The following ENPP2 variants were observed in gnomAD, a reference collection of about 807,000 sequenced individuals.
ENPP2 encodes the protein ectonucleotide pyrophosphatase/phosphodiesterase 2.
Under a neutral mutation model 120.2 loss-of-function variants are expected in ENPP2, and 51 were observed. The observed-to-expected ratio is 0.42, with a 90% CI of 0.34 to 0.54. ENPP2 has a LOEUF of 0.54. ENPP2 is among the 20% of genes least tolerant of loss of function. The pLI is 0.04. For synonymous variants in ENPP2, 365 were observed against 366.4 expected (o/e 1.00, Z 0.04); for missense variants, 920 against 1,066.5 (o/e 0.86, Z 1.91).
chr8:119,668,431 T>A (rs1818141484), intron 1 of ENPP2, among the ~76,000 whole-genome samples: 1 of 49,582 alleles, frequency 2.0e-5, no homozygotes, highest in Non-Finnish European at 4.9e-5. Flanking sequence ...TTCTTTTTCT[T>A]TTTTTTTTTT....
chr8:119,661,192 G>A (rs897899228), intron 1 of ENPP2, among the ~76,000 whole-genome samples: 1 of 152,088 alleles, frequency 6.6e-6, no homozygotes, highest in Non-Finnish European at 1.5e-5. Context: ...GGGAGGGAGA[G>A]CATTAGGACA....
upstream of ENPP2, among the ~76,000 whole-genome samples, chr8:119,639,300 A>G (rs1047458831): frequency 2.0e-5 from 3 of 152,104 alleles, no homozygotes; most frequent in South Asian, 4.1e-4. Flanking sequence ...AAACCTAATA[A>G]CGTTCCTGTC....
chr8:119,590,722 G>GT, intron 12 of ENPP2, 92 bp from the exon 13 acceptor site: 1 of 938,468 alleles, frequency 1.1e-6, no homozygotes, highest in Non-Finnish European at 1.5e-6. Flanking sequence ...CATCTCTTTA[G>GT]TTAGTTTTTA....
At chr8:119,656,403 G>A (rs186150952) in intron 1 of ENPP2, among the ~76,000 whole-genome samples, 29 of 152,124 alleles carry the variant, frequency 1.9e-4, no homozygotes, top group African/African-American at 6.5e-4. Flanking sequence ...TTCCTCTCAC[G>A]GCACCCACCA....
chr8:119,623,640 TTTTGAGACAGAGTCTCACTC>T (rs1382798328), intron 3 of ENPP2, among the ~76,000 whole-genome samples: 1 of 152,126 alleles, frequency 6.6e-6, no homozygotes. Context: ...TGTTTTGTTT[TTTTGAGACAGAGTCTCACTC>T]TGTCGCCTGG....
At chr8:119,666,631 T>G (rs1818079698) in intron 1 of ENPP2, among the ~76,000 whole-genome samples, 1 of 151,882 alleles carries the variant, frequency 6.6e-6, no homozygotes, top group African/African-American at 2.4e-5. Flanking sequence ...AAATACAAAA[T>G]TAGCCAGGCG....
chr8:119,660,125 GT>G (rs1288648742), intron 1 of ENPP2, among the ~76,000 whole-genome samples: 1 of 152,196 alleles, frequency 6.6e-6, no homozygotes, highest in African/African-American at 2.4e-5. Context: ...AAACTTCCTA[GT>G]GGAGATGTTC....
chr8:119,583,446 T>G (rs1812887966), intron 17 of ENPP2, among the ~76,000 whole-genome samples: 1 of 152,218 alleles, frequency 6.6e-6, no homozygotes, highest in Non-Finnish European at 1.5e-5. Flanking sequence ...TGACCAGTGG[T>G]GTCAAACTGT....
intron 1 of ENPP2, among the ~76,000 whole-genome samples, chr8:119,655,828 G>C (rs1284131989): frequency 1.3e-5 from 2 of 152,186 alleles, no homozygotes; most frequent in Non-Finnish European, 2.9e-5. Flanking sequence ...CGCCCAGCCA[G>C]AGCCCAGTTT....
intron 1 of ENPP2, among the ~76,000 whole-genome samples, chr8:119,645,179 T>C (rs1397652909): frequency 1.3e-5 from 2 of 152,150 alleles, no homozygotes; most frequent in Non-Finnish European, 2.9e-5. Flanking sequence ...GAGCCAGTTC[T>C]AAAAACCAGG....
chr8:119,638,892 G>T, upstream of ENPP2: 1 of 1,298,662 alleles, frequency 7.7e-7, no homozygotes, highest in Non-Finnish European at 1.1e-6. Context: ...CACCTGGGAG[G>T]TTGACAGACT....
Position 119,580,289 on chromosome 8 carries a change from T to TA in ENPP2, c.1729-123dup, listed in dbSNP as rs1812643281. On this transcript the variant is annotated intron_variant, in intron 18 of 24. Coordinates refer to ENST00000075322, the MANE Select transcript of ENPP2 (RefSeq NM_001040092.3). ...AAAAGCGAACTCTAAACTCCATCTA[T>TA]ATCATACATTCTTTCGAGGAATTAA... The TA allele has an allele frequency of 5.2e-5, 40 of 762,186 alleles. 1 individual carries two copies. The South Asian group carries it at 5.7e-4, about 11-fold the overall frequency. The allele number at this position is 762,186 out of a possible 1,614,324, so 47.2% of individuals were successfully genotyped here.
chr8:119,592,642 T>A (rs1813604047), intron 12 of ENPP2, among the ~76,000 whole-genome samples: 1 of 151,910 alleles, frequency 6.6e-6, no homozygotes, highest in Non-Finnish European at 1.5e-5. Flanking sequence ...TACTTAGATG[T>A]CTGGCTCCAG....
At chr8:119,604,622 C>T (rs1814566941) in intron 9 of ENPP2, among the ~76,000 whole-genome samples, 1 of 150,998 alleles carries the variant, frequency 6.6e-6, no homozygotes, top group African/African-American at 2.4e-5. Flanking sequence ...TAAGTATTTA[C>T]TAGTAAAGGA....
At chr8:119,644,653 G>GATAT (rs57182103) in intron 1 of ENPP2, among the ~76,000 whole-genome samples, 3 of 91,830 alleles carry the variant, frequency 3.3e-5, no homozygotes, top group South Asian at 3.3e-4. Context: ...CACACATATA[G>GATAT]ATATATATAT....
intron 1 of ENPP2, among the ~76,000 whole-genome samples, chr8:119,653,272 G>A (rs1817676437): frequency 6.6e-6 from 1 of 152,136 alleles, no homozygotes; most frequent in South Asian, 2.1e-4. Flanking sequence ...AACTTCTATT[G>A]AGCACCTAGT....
At chr8:119,664,410 C>T (rs1818011181) in intron 1 of ENPP2, among the ~76,000 whole-genome samples, 1 of 152,132 alleles carries the variant, frequency 6.6e-6, no homozygotes, top group Admixed American at 6.6e-5. Flanking sequence ...ATTCCCATCT[C>T]ACACGCTTTG....
chr8:119,621,578 A>C, intron 3 of ENPP2, 59 bp from the exon 4 acceptor site: 1 of 1,558,062 alleles, frequency 6.4e-7, no homozygotes, highest in Non-Finnish European at 8.8e-7. Flanking sequence ...GAAAGAAGCC[A>C]CAATTGCTTA....
At chr8:119,561,797 GTGTGTGTGTGTGTGTGTT>G (rs1235747116) in intron 24 of ENPP2, among the ~76,000 whole-genome samples, 2 of 151,760 alleles carry the variant, frequency 1.3e-5, no homozygotes, top group African/African-American at 4.8e-5. Context: ...TTGTGTGTGT[GTGTGTGTGTGTGTGTGTT>G]TGTGTGTGTG....
Sources: gnomAD v4.1 joint callset for allele counts (sites outside exome capture counted in the v4.1 genomes callset) on GRCh38, gnomAD v4.1.1 for gene constraint, MANE v1.5 for transcripts, NCBI Gene and HGNC (gene_info 2026-07-23, HGNC 2026-07-21) for gene names.